Variants in C20orf203 observed in about 807,000 individuals in gnomAD.
C20orf203 encodes uncharacterized protein C20orf203.
C20orf203 carries 16 observed loss-of-function variants against 15.9 expected under a neutral mutation model. The ratio of observed to expected loss-of-function variants is 1.01; its 90% CI spans 0.68 to 1.53. The LOEUF (loss-of-function observed/expected upper bound fraction) is 1.53. Ranked by LOEUF, C20orf203 falls within the 40% of genes most tolerant of loss-of-function variation. C20orf203 has a pLI of 0.00. For synonymous variants in C20orf203, 98 were observed against 97.2 expected, an observed-to-expected ratio of 1.01 and a Z score of -0.05; for missense variants, 263 against 247.5, an observed-to-expected ratio of 1.06 and a Z score of -0.42.
intron 1 of C20orf203, among the ~76,000 whole-genome samples, chr20:32,652,366 C>T (rs1982656370): frequency 6.9e-6 from 1 of 144,964 alleles, no homozygotes; most frequent in Non-Finnish European, 1.5e-5. Context: ...CCCCTGGCAT[C>T]AGAGGGGGCC....
At chr20:32,660,017 G>A (rs1036295971) in intron 1 of C20orf203, among the ~76,000 whole-genome samples, 58 of 152,114 alleles carry the variant, frequency 3.8e-4, no homozygotes, top group African/African-American at 9.7e-4. Context: ...GTATGCCAGC[G>A]CATTTGCTCT....
At position 32,640,568 on chromosome 20, in the gene C20orf203, G is replaced by C. The variant is rs2145662520; in HGVS notation, c.*1297C>G. 1 of 152,096 alleles carries C rather than the reference G, an allele frequency of 6.6e-6. No individual in the cohort carries two copies. Among genetic ancestry groups the C allele is most frequent in the East Asian group, 1.9e-4 (1 of 5,188 alleles). 9.4% of individuals were successfully genotyped at this position (152,096 alleles called of 1,614,324 possible). A position where few individuals can be genotyped will look rare whatever the true frequency, so the allele number is the denominator to read the frequency against. On this transcript the variant is annotated splice_region_variant and 3_prime_UTR_variant, in exon 5 of 6. Coordinates refer to ENST00000608990, the MANE Select transcript of C20orf203 (RefSeq NM_182584.4). ...ATTAGCCGGCCATGGTGGCGTACCTGTAATCCCAGCTACTCAGGAGGCTGA... is the reference window on the plus strand; with the variant it reads ...ATTAGCCGGCCATGGTGGCGTACCTCTAATCCCAGCTACTCAGGAGGCTGA...
rs1982063722 is a variant in C20orf203 at position 32,633,750 on chromosome 20, G to C, written c.*1820C>G. 2 of 340,188 alleles carry C rather than the reference G, an allele frequency of 5.9e-6. No individual in the cohort carries two copies. Among genetic ancestry groups the C allele is most frequent in the Non-Finnish European group, 1.1e-5 (2 of 189,350 alleles). The allele number at this position is 340,188 out of a possible 1,614,324, so 21.1% of individuals were successfully genotyped here. ...TGTCTGTAACCTGGTGGTGCCTCCT[G>C]CCTCTGACTCCTCCGGCCAGTCGCC... On this transcript the variant is annotated 3_prime_UTR_variant, in exon 6 of 6. Coordinates refer to ENST00000608990, the MANE Select transcript of C20orf203 (RefSeq NM_182584.4).
At chr20:32,656,374 T>G (rs1982753850) in intron 1 of C20orf203, among the ~76,000 whole-genome samples, 1 of 152,038 alleles carries the variant, frequency 6.6e-6, no homozygotes, top group Non-Finnish European at 1.5e-5. Context: ...TTAGTTATAA[T>G]AAAAAAGACA....
chr20:32,662,955 T>G (rs1254741720), intron 1 of C20orf203, among the ~76,000 whole-genome samples: 4 of 147,996 alleles, frequency 2.7e-5, no homozygotes, highest in Admixed American at 2.7e-4. Flanking sequence ...AAATATAGTT[T>G]TTTTTTTTTT....
At chr20:32,653,313 A>G (rs552046541) in intron 1 of C20orf203, among the ~76,000 whole-genome samples, 2 of 152,242 alleles carry the variant, frequency 1.3e-5, no homozygotes, top group Admixed American at 6.5e-5. Flanking sequence ...CTCTGTACCA[A>G]TGCTTTTTTT....
intron 1 of C20orf203, among the ~76,000 whole-genome samples, chr20:32,658,770 G>A (rs2145677429): frequency 6.6e-6 from 1 of 152,154 alleles, no homozygotes; most frequent in African/African-American, 2.4e-5. Flanking sequence ...GGAGCTACAG[G>A]GAGATGGAGC....
intron 5 of C20orf203, among the ~76,000 whole-genome samples, chr20:32,637,800 C>A (rs1982176993): frequency 6.6e-6 from 1 of 152,208 alleles, no homozygotes. Context: ...GGCCTTCTCA[C>A]ACATTTGGTC....
At chr20:32,656,668 C>T (rs1982762550) in intron 1 of C20orf203, 1 of 151,788 alleles carries the variant, frequency 6.6e-6, no homozygotes, top group South Asian at 2.1e-4. Context: ...TCGAGAACAC[C>T]CAGGGCAACA....
intron 1 of C20orf203, among the ~76,000 whole-genome samples, chr20:32,665,067 CA>C (rs1416098180): frequency 6.6e-6 from 1 of 152,218 alleles, no homozygotes; most frequent in African/African-American, 2.4e-5. Context: ...TCCAAGCTGC[CA>C]AGTAAGTTCC....
Position 32,633,826 on chromosome 20 carries a change from C to T in C20orf203, c.*1744G>A. 1 of 391,098 alleles carries T rather than the reference C, an allele frequency of 2.6e-6. No homozygotes were observed. The highest frequency in any genetic ancestry group is 4.5e-6 in the Non-Finnish European group (1 of 221,824). 24.2% of individuals were successfully genotyped at this position (391,098 alleles called of 1,614,324 possible). A position where few individuals can be genotyped will look rare whatever the true frequency, so the allele number is the denominator to read the frequency against. ...CTACCTGGTCCCCTGGTCCCAGCCT[C>T]CTTTCATGGAAGGAGGTCTTGCCGT... On this transcript the variant is annotated 3_prime_UTR_variant, in exon 6 of 6. Coordinates refer to ENST00000608990, the MANE Select transcript of C20orf203 (RefSeq NM_182584.4).
At chr20:32,655,666 G>A (rs779556509) in intron 1 of C20orf203, among the ~76,000 whole-genome samples, 15 of 152,208 alleles carry the variant, frequency 9.9e-5, no homozygotes, top group Admixed American at 7.8e-4. Context: ...GGTGGCAGAC[G>A]CCTGTAATCC....
At chr20:32,662,698 G>C (rs1354036739) in intron 1 of C20orf203, among the ~76,000 whole-genome samples, 2 of 151,922 alleles carry the variant, frequency 1.3e-5, no homozygotes, top group African/African-American at 4.8e-5. Flanking sequence ...GGAAATCCCA[G>C]AATTGCCCCC....
chr20:32,667,388 G>A (rs540910011), intron 1 of C20orf203, among the ~76,000 whole-genome samples: 24 of 152,368 alleles, frequency 1.6e-4, no homozygotes, highest in Non-Finnish European at 2.2e-4. Flanking sequence ...CTAGAGCTGC[G>A]TTGATGACAG....
chr20:32,642,435 C>T (rs1982308516), intron 4 of C20orf203, among the ~76,000 whole-genome samples: 3 of 152,190 alleles, frequency 2.0e-5, no homozygotes, highest in Non-Finnish European at 4.4e-5. Flanking sequence ...AACACACAGA[C>T]CAAGAAGTCC....
intron 5 of C20orf203, among the ~76,000 whole-genome samples, chr20:32,636,000 C>T (rs1433514626): frequency 6.6e-6 from 1 of 152,148 alleles, no homozygotes; most frequent in African/African-American, 2.4e-5. Flanking sequence ...TGTCTGAATG[C>T]CCTCTGCTTT....
intron 5 of C20orf203, among the ~76,000 whole-genome samples, chr20:32,636,517 C>T (rs985598763): frequency 2.0e-5 from 3 of 152,160 alleles, no homozygotes; most frequent in Non-Finnish European, 2.9e-5. Context: ...AGAGGAGCTG[C>T]CCACCTACTT....
chr20:32,667,726 A>G (rs1008120181), intron 1 of C20orf203, among the ~76,000 whole-genome samples: 2 of 152,124 alleles, frequency 1.3e-5, no homozygotes, highest in Non-Finnish European at 2.9e-5. Flanking sequence ...GCTGGAGTGC[A>G]GTGGGGCAAT....
intron 4 of C20orf203, among the ~76,000 whole-genome samples, chr20:32,641,418 G>A (rs1046121736): frequency 5.3e-5 from 8 of 151,604 alleles, no homozygotes; most frequent in Non-Finnish European, 8.8e-5. Flanking sequence ...TAGGAATAAC[G>A]CTGCTATTAA....
Sources: allele counts gnomAD v4.1 joint callset (sites outside exome capture counted in the v4.1 genomes callset), GRCh38; gene constraint gnomAD v4.1.1; transcripts MANE v1.5; gene names NCBI Gene and HGNC (gene_info 2026-07-23, HGNC 2026-07-21).